The following RIMS2 variants were observed in gnomAD, a reference collection of about 807,000 sequenced individuals.
RIMS2 encodes regulating synaptic membrane exocytosis 2.
Under a neutral mutation model 174.4 loss-of-function variants are expected in RIMS2, and 59 were observed. That is an observed-to-expected ratio of 0.34 (90% CI 0.27 to 0.42). The LOEUF (loss-of-function observed/expected upper bound fraction) is 0.42, where lower values mean the gene tolerates loss of function less well. Ranked by LOEUF, RIMS2 falls within the 10% of genes least tolerant of loss-of-function variation. The probability of loss-of-function intolerance (pLI) is 1.00; values close to 1 mark genes in which losing one functional copy is unlikely to be tolerated. For missense variants in RIMS2, 1,620 were observed against 1,666.3 expected (o/e 0.97, Z 0.48); for synonymous variants, 606 against 572.5 (o/e 1.06, Z -0.84).
chr8:103,706,887 CTT>C (rs2137739622), intron 2 of RIMS2, among the ~76,000 whole-genome samples: 1 of 152,184 alleles, frequency 6.6e-6, no homozygotes, highest in East Asian at 1.9e-4. Context: ...TACCCAATCT[CTT>C]TGTCAGCCTC....
At chr8:104,170,304 C>T (rs938062722) in intron 19 of RIMS2, among the ~76,000 whole-genome samples, 3 of 152,044 alleles carry the variant, frequency 2.0e-5, no homozygotes, top group African/African-American at 7.2e-5. Context: ...CTATCTATCT[C>T]ATTTCCTAGG....
At chr8:103,975,398 C>CAGAACA (rs780617648) in exon 16 of RIMS2, 3 of 1,612,398 alleles carry the variant, frequency 1.9e-6, no homozygotes, top group Non-Finnish European at 8.5e-7. Context: ...TTATCAGTGC[C>CAGAACA]AGAACAAGTA....
intron 2 of RIMS2, among the ~76,000 whole-genome samples, chr8:103,713,864 A>G (rs1440280580): frequency 1.3e-5 from 2 of 152,136 alleles, no homozygotes; most frequent in Non-Finnish European, 2.9e-5. Flanking sequence ...TCTTAACCAG[A>G]TTATACTACT....
intron 4 of RIMS2, among the ~76,000 whole-genome samples, chr8:103,909,299 CT>C (rs976900544): frequency 4.6e-5 from 7 of 151,768 alleles, no homozygotes; most frequent in Admixed American, 3.3e-4. Context: ...CATATATAGA[CT>C]AAAAAATTTA....
intron 19 of RIMS2, among the ~76,000 whole-genome samples, chr8:104,108,660 A>G (rs2131584580): frequency 6.6e-6 from 1 of 152,226 alleles, no homozygotes. Flanking sequence ...GGATTTTTAG[A>G]TATAATGTAA....
At chr8:104,044,600 T>C (rs1038121309) in intron 19 of RIMS2, among the ~76,000 whole-genome samples, 2 of 151,654 alleles carry the variant, frequency 1.3e-5, no homozygotes, top group African/African-American at 4.8e-5. Flanking sequence ...TTTATTGTCT[T>C]CAAATATTAA....
chr8:104,044,012 G>T (rs939007247), intron 19 of RIMS2, among the ~76,000 whole-genome samples: 1 of 151,600 alleles, frequency 6.6e-6, no homozygotes, highest in Non-Finnish European at 1.5e-5. Context: ...TGCTGATACC[G>T]TTTCTGGGAT....
At chr8:103,871,308 C>T (rs2099110455) in intron 3 of RIMS2, among the ~76,000 whole-genome samples, 1 of 152,112 alleles carries the variant, frequency 6.6e-6, no homozygotes, top group Non-Finnish European at 1.5e-5. Context: ...GCAAGAGAAT[C>T]GCTTGAACCT....
chr8:103,904,345 C>G lies in RIMS2; in HGVS notation c.1625-5789C>G, dbSNP rs2073910231. Reference sequence around the variant, plus strand: ...TTAATGGATATTTTGGTTGTTTCCACTTTTTGCCTGTTATAAATGAAGATA... The same window carrying G: ...TTAATGGATATTTTGGTTGTTTCCAGTTTTTGCCTGTTATAAATGAAGATA... On this transcript the variant is annotated intron_variant, in intron 4 of 23. Transcript: ENST00000504942. Among the ~76,000 whole-genome samples the G allele has an allele frequency of 3.3e-5, 5 of 151,952 alleles. No individual in the cohort carries two copies. The South Asian group carries it at 1.0e-3, about 31-fold the overall frequency.
In RIMS2 at chr8:103,628,940, G is replaced by T. The variant is rs191571870; in HGVS notation, c.177-68146G>T. 1.5e-3 allele frequency among the ~76,000 whole-genome samples: 233 copies of T among 152,224 alleles called. 2 individuals are homozygous for T. The highest frequency in any genetic ancestry group is 5.1e-3 in the African/African-American group (211 of 41,550). On this transcript the variant is annotated intron_variant, in intron 1 of 23. Transcript: ENST00000504942. ...GCAGCTACCCAGATTGTGAGCAGAGGTCTGTCCACCAACCACAGCCTGAAA... is the reference window on the plus strand; with the variant it reads ...GCAGCTACCCAGATTGTGAGCAGAGTTCTGTCCACCAACCACAGCCTGAAA...
intron 9 of RIMS2, chr8:103,920,848 A>C (rs1408388392): frequency 5.8e-6 from 2 of 344,922 alleles, no homozygotes; most frequent in East Asian, 9.1e-5. Context: ...AAATACAAAA[A>C]ATTATCCGGA....
chr8:103,813,418 T>TTC (rs1201999264), intron 3 of RIMS2, among the ~76,000 whole-genome samples: 3 of 151,818 alleles, frequency 2.0e-5, no homozygotes, highest in South Asian at 2.1e-4. Flanking sequence ...CTTTCTTTAT[T>TTC]ATACTTTAAG....
Position 104,101,035 on chromosome 8 carries a change from T to C in RIMS2, c.3334+86420T>C, listed in dbSNP as rs1232166216. ...TATTACATATGTAATATATGTTATATATTATATTATATATTACATATGTAA... is the reference window on the plus strand; with the variant it reads ...TATTACATATGTAATATATGTTATACATTATATTATATATTACATATGTAA... On this transcript the variant is annotated intron_variant, in intron 19 of 23. Transcript: ENST00000504942. Among the ~76,000 whole-genome samples, 10 of 142,872 alleles carry C rather than the reference T, an allele frequency of 7.0e-5. No individual in the cohort carries two copies. The South Asian group carries it at 1.7e-3, about 24-fold the overall frequency. 93.7% of individuals were successfully genotyped at this position (142,872 alleles called of 152,430 possible).
chr8:104,182,724 G>T (rs761044014), intron 19 of RIMS2, among the ~76,000 whole-genome samples: 11 of 151,678 alleles, frequency 7.3e-5, no homozygotes, highest in Non-Finnish European at 1.6e-4. Context: ...GTGCTCAGTT[G>T]CCATGTGTGA....
intron 19 of RIMS2, among the ~76,000 whole-genome samples, chr8:104,121,113 T>C (rs912567573): frequency 3.9e-5 from 6 of 152,180 alleles, no homozygotes; most frequent in Non-Finnish European, 5.9e-5. Context: ...TGAAAACTAG[T>C]TGTTGCCTTA....
At chr8:103,744,752 C>CT (rs565997947) in intron 2 of RIMS2, among the ~76,000 whole-genome samples, 1 of 152,194 alleles carries the variant, frequency 6.6e-6, no homozygotes, top group Non-Finnish European at 1.5e-5. Context: ...CCCCAGACCC[C>CT]TTGCTCTTCA....
intron 1 of RIMS2, among the ~76,000 whole-genome samples, chr8:103,589,969 G>C (rs1469949899): frequency 6.6e-6 from 1 of 151,214 alleles, no homozygotes; most frequent in Non-Finnish European, 1.5e-5. Context: ...AGGTGGGAAT[G>C]GTTAATGGGT....
rs191736530 is a variant in RIMS2, at chr8:103,654,461, T to G, written c.177-42625T>G. ...TTAATTGGTATTATTTCAGTTAAGATTTCTTTGACAACTAATTCATTCTTG... is the reference window on the plus strand; with the variant it reads ...TTAATTGGTATTATTTCAGTTAAGAGTTCTTTGACAACTAATTCATTCTTG... On this transcript the variant is annotated intron_variant, in intron 1 of 23. Coordinates refer to ENST00000504942, the Ensembl canonical transcript of RIMS2. 3.9e-5 allele frequency among the ~76,000 whole-genome samples: 6 copies of G among 152,112 alleles called. No homozygotes were observed. In the East Asian group the frequency reaches 1.2e-3, roughly 29 times the overall value.
At chr8:103,874,826 T>A (rs2099128174) in intron 3 of RIMS2, among the ~76,000 whole-genome samples, 1 of 152,072 alleles carries the variant, frequency 6.6e-6, no homozygotes, top group African/African-American at 2.4e-5. Flanking sequence ...ATGTTTAAAA[T>A]ATGATCAGAT....
Sources: gnomAD v4.1 joint callset for allele counts (sites outside exome capture counted in the v4.1 genomes callset) on GRCh38, gnomAD v4.1.1 for gene constraint, MANE v1.5 for transcripts, NCBI Gene and HGNC (gene_info 2026-07-23, HGNC 2026-07-21) for gene names.